Variants in GLP2R observed in about 807,000 individuals in gnomAD.
GLP2R encodes glucagon like peptide 2 receptor, also known as glucagon-like peptide 2 receptor.
Under a neutral mutation model 68.2 loss-of-function variants are expected in GLP2R, and 59 were observed. That is an observed-to-expected ratio of 0.87 (90% confidence interval 0.70 to 1.07). The LOEUF is 1.07. GLP2R is among the 50% of genes least tolerant of loss of function. GLP2R has a pLI of 0.00. For missense variants in GLP2R, 548 were observed against 677.4 expected, an observed-to-expected ratio of 0.81 and a Z score of 2.12; for synonymous variants, 270 against 265.4, an observed-to-expected ratio of 1.02 and a Z score of -0.17.
chr17:9,837,910 T>A (rs1026376532), intron 3 of GLP2R, among the ~76,000 whole-genome samples: 3 of 152,194 alleles, frequency 2.0e-5, no homozygotes, highest in African/African-American at 7.2e-5. Context: ...TTCAGCCCGA[T>A]AAATCATCCC....
intron 4 of GLP2R, 119 bp downstream of exon 4, chr17:9,842,735 C>A: frequency 1.8e-6 from 2 of 1,110,952 alleles, no homozygotes; most frequent in Non-Finnish European, 2.6e-6. Context: ...CGCCTCTCCC[C>A]GGGGAAGCTA....
rs761518261 is a variant in GLP2R, at chr17:9,842,573, A to G, written c.461A>G (p.Gln154Arg). ...QTIENATDIWQDDSECSENHS... is the reference protein window; with the variant it reads ...QTIENATDIWRDDSECSENHS... ...ATAGAGAACGCCACGGATATTTGGCAGGATGACTCCGAATGCTCCGAGAAC... is the reference window on the plus strand; with the variant it reads ...ATAGAGAACGCCACGGATATTTGGCGGGATGACTCCGAATGCTCCGAGAAC... The change falls in exon 4 of 13, where the codon CAG (glutamine) becomes CGG (arginine). Residue 154 changes from glutamine to arginine, a missense_variant. Gln to Arg is a conservative substitution (Grantham distance 43, BLOSUM62 1). Transcript: ENST00000262441. The G allele has an allele frequency of 5.6e-6, 9 of 1,614,122 alleles. No homozygotes were observed. Among genetic ancestry groups the G allele is most frequent in the Non-Finnish European group, 7.6e-6 (9 of 1,180,020 alleles).
intron 2 of GLP2R, among the ~76,000 whole-genome samples, chr17:9,835,156 G>A (rs2066715504): frequency 6.6e-6 from 1 of 150,822 alleles, no homozygotes; most frequent in Admixed American, 6.7e-5. Context: ...AGCCTCCTGA[G>A]TAGCTGGGAT....
intron 2 of GLP2R, 85 bp downstream of exon 2, chr17:9,833,979 A>G: frequency 1.2e-6 from 1 of 840,400 alleles, no homozygotes; most frequent in South Asian, 1.4e-5. Context: ...GTCACTTATT[A>G]CTTCTCATAG....
chr17:9,865,309 T>C (rs2067024582), intron 9 of GLP2R, among the ~76,000 whole-genome samples: 1 of 120,880 alleles, frequency 8.3e-6, no homozygotes, highest in South Asian at 2.4e-4. Context: ...TAGCCCCTTG[T>C]GATTTTGTGT....
At chr17:9,850,610 A>G (rs575590828) in intron 4 of GLP2R, among the ~76,000 whole-genome samples, 2 of 152,072 alleles carry the variant, frequency 1.3e-5, no homozygotes, top group South Asian at 4.1e-4. Context: ...ATTAAGCTCC[A>G]GCTTCCCACC....
chr17:9,887,633 G>A (rs924653619), intron 11 of GLP2R, among the ~76,000 whole-genome samples: 1 of 152,178 alleles, frequency 6.6e-6, no homozygotes, highest in African/African-American at 2.4e-5. Flanking sequence ...ATGACACAAG[G>A]TCTTGGGGGT....
At position 9,880,383 on chromosome 17, in the gene GLP2R, C is replaced by A; in HGVS notation, c.1151C>A (p.Ala384Glu). The A allele has an allele frequency of 6.3e-7, 1 of 1,587,180 alleles. No individual in the cohort carries two copies. Among genetic ancestry groups the A allele is most frequent in the Non-Finnish European group, 8.6e-7 (1 of 1,162,800 alleles). Reference sequence around the variant, plus strand: ...TATTTGGTTGTCATTTACAGATTGGCAAAATCAACACTGGTCCTCATTCCT... The same window carrying A: ...TATTTGGTTGTCATTTACAGATTGGAAAAATCAACACTGGTCCTCATTCCT... Reference protein sequence around the residue: ...MCFRDYKYRLAKSTLVLIPLL... With the variant: ...MCFRDYKYRLEKSTLVLIPLL... The change falls in exon 11 of 13, where the codon GCA becomes GAA. Residue 384 changes from alanine to glutamate, a missense_variant. Physicochemically the swap from Ala to Glu is moderately radical, Grantham distance 107 (BLOSUM62 -1). Coordinates refer to ENST00000262441, the MANE Select transcript of GLP2R (RefSeq NM_004246.3).
intron 10 of GLP2R, among the ~76,000 whole-genome samples, chr17:9,871,942 C>T (rs2067098485): frequency 1.3e-5 from 2 of 152,086 alleles, no homozygotes; most frequent in Admixed American, 6.6e-5. Flanking sequence ...CCAGGCTGAT[C>T]TCAAACTCCT....
intron 10 of GLP2R, among the ~76,000 whole-genome samples, chr17:9,874,179 G>A (rs2067123515): frequency 6.6e-6 from 1 of 152,162 alleles, no homozygotes; most frequent in Non-Finnish European, 1.5e-5. Flanking sequence ...CCTGGAGGGT[G>A]CGTACCCACC....
At chr17:9,876,509 G>C (rs7219581) in intron 10 of GLP2R, among the ~76,000 whole-genome samples, 2,201 of 152,306 alleles carry the variant, frequency 0.014, 62 homozygotes, top group African/African-American at 0.05. Context: ...ATTTGGCAAA[G>C]CCTGTTTGTA....
chr17:9,835,025 C>CTTTTTTT (rs35950679), intron 2 of GLP2R, among the ~76,000 whole-genome samples: 1 of 83,150 alleles, frequency 1.2e-5, no homozygotes, highest in Non-Finnish European at 2.2e-5. Flanking sequence ...GAAACCTGGC[C>CTTTTTTT]TTTTTTTTTT....
chr17:9,861,230 C>T (rs12150176), intron 8 of GLP2R, 31 bp downstream of exon 8: 287,800 of 1,454,298 alleles, frequency 0.2, 31,346 homozygotes, highest in Non-Finnish European at 0.23. Context: ...TATTCTTTCA[C>T]GAGCCGGTAA....
chr17:9,861,180 G>A lies in GLP2R; in HGVS notation c.967G>A (p.Ala323Thr). The A allele has an allele frequency of 6.2e-7, 1 of 1,612,604 alleles. No homozygotes were observed. The highest frequency in any genetic ancestry group is 8.5e-7 in the Non-Finnish European group (1 of 1,178,764). Reference protein sequence around the residue: ...LFVVPWGFARAHLENTGCWTT... With the variant: ...LFVVPWGFARTHLENTGCWTT... ...TGTTGTACCCTGGGGTTTCGCCCGT[G>A]CACACCTGGAGAACACAGGGTAGGT... Residue 323 changes from alanine (A) to threonine (T), a missense_variant, in exon 8 of 13, where the codon GCA (alanine) becomes ACA (threonine). Transcript: ENST00000262441.
At chr17:9,842,639 G>A (rs1360009521) in intron 4 of GLP2R, 23 bp downstream of exon 4, 3 of 1,612,294 alleles carry the variant, frequency 1.9e-6, no homozygotes, top group East Asian at 4.5e-5. Flanking sequence ...AGCTCAGTGA[G>A]GAGGCATCCA....
At chr17:9,833,977 T>C in intron 2 of GLP2R, 83 bp downstream of exon 2, 1 of 843,448 alleles carries the variant, frequency 1.2e-6, no homozygotes, top group Non-Finnish European at 2.0e-6. Flanking sequence ...TAGTCACTTA[T>C]TACTTCTCAT....
In GLP2R at chr17:9,889,560, C is replaced by T. The variant is rs1270825347; in HGVS notation, c.1517C>T (p.Ala506Val). The T allele has an allele frequency of 6.2e-7, 1 of 1,614,156 alleles. No homozygotes were observed. The highest frequency in any genetic ancestry group is 1.7e-5 in the Admixed American group (1 of 60,032). ...SLNSGRLLHLAMRGLGELGAQ... is the reference protein window; with the variant it reads ...SLNSGRLLHLVMRGLGELGAQ... ...AACAGTGGGCGGCTCCTACATCTAG[C>T]CATGCGAGGTCTTGGGGAGCTGGGC... The change falls in exon 13 of 13, where the codon GCC becomes GTC. Residue 506 changes from alanine to valine, a missense_variant. Physicochemically the swap from Ala to Val is moderately conservative, Grantham distance 64 (BLOSUM62 0). Coordinates refer to ENST00000262441, the MANE Select transcript of GLP2R (RefSeq NM_004246.3).
intron 5 of GLP2R, among the ~76,000 whole-genome samples, chr17:9,856,702 C>T (rs1456014924): frequency 1.3e-5 from 2 of 152,190 alleles, no homozygotes; most frequent in African/African-American, 4.8e-5. Context: ...ATGCTTTGGC[C>T]TGAGAGTTTC....
intron 10 of GLP2R, among the ~76,000 whole-genome samples, chr17:9,871,955 C>T (rs2067098621): frequency 6.6e-6 from 1 of 152,102 alleles, no homozygotes; most frequent in South Asian, 2.1e-4. Context: ...AAACTCCTGA[C>T]CTCATGATCC....
Sources: gnomAD v4.1 joint callset for allele counts (sites outside exome capture counted in the v4.1 genomes callset) on GRCh38, gnomAD v4.1.1 for gene constraint, MANE v1.5 for transcripts, NCBI Gene and HGNC (gene_info 2026-07-23, HGNC 2026-07-21) for gene names.